Variants in CCDC171 observed in about 807,000 individuals in gnomAD.
The protein encoded by CCDC171 is coiled-coil domain-containing protein 171.
CCDC171 carries 177 observed loss-of-function variants against 168.2 expected under a neutral mutation model. That is an observed-to-expected ratio of 1.05 (90% confidence interval 0.93 to 1.19). The LOEUF is 1.19. Among genes scored for constraint, CCDC171 ranks in the 50% most tolerant of loss-of-function variants. The pLI is 0.00. For synonymous variants in CCDC171, 687 were observed against 540.8 expected, an observed-to-expected ratio of 1.27 and a Z score of -3.75; for missense variants, 1,991 against 1,539.0, an observed-to-expected ratio of 1.29 and a Z score of -4.91.
At chr9:15,573,360 C>T (rs1245511139) in intron 3 of CCDC171, among the ~76,000 whole-genome samples, 1 of 152,184 alleles carries the variant, frequency 6.6e-6, no homozygotes, top group Non-Finnish European at 1.5e-5. Flanking sequence ...ACTGCAACCA[C>T]TGCCTCCAGG....
chr9:15,599,968 A>G (rs1486166932), intron 6 of CCDC171, among the ~76,000 whole-genome samples: 1 of 152,226 alleles, frequency 6.6e-6, no homozygotes, highest in Admixed American at 6.5e-5. Context: ...CATTCGTCAC[A>G]TAGTTCTCTT....
chr9:15,623,163 A>G (rs1487059572), intron 6 of CCDC171, 104 bp from the exon 7 acceptor site: 5 of 702,242 alleles, frequency 7.1e-6, no homozygotes, highest in Non-Finnish European at 1.1e-5. Flanking sequence ...ACCTATTATT[A>G]TAGTTGAAGC....
At chr9:16,082,704 A>G in the CCDC171 span, among the ~76,000 whole-genome samples, 1 of 152,230 alleles carries the variant, frequency 6.6e-6, no homozygotes, top group Non-Finnish European at 1.5e-5. Context: ...ATAAACCAGT[A>G]ACAAACATCT....
intron 25 of CCDC171, among the ~76,000 whole-genome samples, chr9:15,957,368 T>G (rs1040906823): frequency 3.3e-5 from 5 of 152,148 alleles, no homozygotes; most frequent in Non-Finnish European, 7.4e-5. Context: ...CAGAGACCTG[T>G]CACAAAGTTC....
rs532157210 is a variant in CCDC171 at position 15,723,791 on chromosome 9, A to G, written c.1491+45A>G. On this transcript the variant is annotated intron_variant, in intron 13 of 25. Coordinates refer to ENST00000380701, the MANE Select transcript of CCDC171 (RefSeq NM_173550.4). Reference sequence around the variant, plus strand: ...TTACCTTTTGTATTAAGAAACAAATATAGTTATCTAGGGAATATTTTAAAG... The same window carrying G: ...TTACCTTTTGTATTAAGAAACAAATGTAGTTATCTAGGGAATATTTTAAAG... 2.0e-5 allele frequency: 18 copies of G among 920,674 alleles called. No individual in the cohort carries two copies. In the East Asian group the frequency reaches 4.4e-4, roughly 23 times the overall value. 57.0% of individuals were successfully genotyped at this position (920,674 alleles called of 1,614,324 possible). A position where few individuals can be genotyped will look rare whatever the true frequency, so the allele number is the denominator to read the frequency against.
intron 24 of CCDC171, among the ~76,000 whole-genome samples, chr9:15,912,679 A>G (rs1456785370): frequency 6.6e-6 from 1 of 152,212 alleles, no homozygotes; most frequent in African/African-American, 2.4e-5. Context: ...TGCGTTTGTC[A>G]TAAATAGCTC....
At chr9:15,590,825 C>CTT (rs1228680585) in intron 4 of CCDC171, among the ~76,000 whole-genome samples, 2 of 124,556 alleles carry the variant, frequency 1.6e-5, no homozygotes, top group African/African-American at 6.1e-5. Flanking sequence ...TTCTTTCTTT[C>CTT]TTTCTTTCTT....
rs558815075 is a variant in CCDC171 at position 15,678,585 on chromosome 9, G to T, written c.1077-173G>T. Reference sequence around the variant, plus strand: ...AAAGGGAAAGTAATATTGCTTTGAAGTTTTTCATTTAAGAATATTCAGTAC... The same window carrying T: ...AAAGGGAAAGTAATATTGCTTTGAATTTTTTCATTTAAGAATATTCAGTAC... On this transcript the variant is annotated intron_variant, in intron 9 of 25. Transcript: ENST00000380701. Among the ~76,000 whole-genome samples the T allele has an allele frequency of 6.6e-5, 10 of 152,266 alleles. No individual in the cohort carries two copies. The East Asian group carries it at 1.9e-3, about 29-fold the overall frequency.
At chr9:15,771,304 G>A (rs2056999979) in intron 18 of CCDC171, among the ~76,000 whole-genome samples, 1 of 152,074 alleles carries the variant, frequency 6.6e-6, no homozygotes, top group Admixed American at 6.5e-5. Context: ...GTTCTTTCAT[G>A]AACAGTGTTG....
chr9:15,637,379 T>G (rs1257176771), intron 7 of CCDC171, among the ~76,000 whole-genome samples: 2 of 151,998 alleles, frequency 1.3e-5, no homozygotes, highest in Non-Finnish European at 2.9e-5. Flanking sequence ...CTTAATTTCC[T>G]CAATATCTGT....
chr9:15,779,579 C>G (rs148072114), intron 20 of CCDC171, among the ~76,000 whole-genome samples: 4 of 152,138 alleles, frequency 2.6e-5, no homozygotes, highest in African/African-American at 7.2e-5. Flanking sequence ...GGGGTGTTCT[C>G]GAACTCCTGA....
chr9:15,623,312 T>G lies in CCDC171; in HGVS notation c.721T>G (p.Leu241Val). 1 of 1,600,986 alleles carries G rather than the reference T, an allele frequency of 6.2e-7. No homozygotes were observed. Among genetic ancestry groups the G allele is most frequent in the Non-Finnish European group, 8.5e-7 (1 of 1,172,520 alleles). ...AAATATGCATAAGAAAGTAGAAAAATTAGAAACAGAACATATGGACTGCTC... is the reference window on the plus strand; with the variant it reads ...AAATATGCATAAGAAAGTAGAAAAAGTAGAAACAGAACATATGGACTGCTC... ...VQNMHKKVEK[L>V]ETEHMDCSDL... is the part of the protein sequence containing the mutation. Residue 241 changes from leucine (L) to valine (V), a missense_variant, in exon 7 of 26, where the codon TTA becomes GTA. Transcript: ENST00000380701.
At chr9:16,000,075 C>T (rs543141064) in intron 3 of CCDC171, among the ~76,000 whole-genome samples, 2 of 152,140 alleles carry the variant, frequency 1.3e-5, no homozygotes, top group African/African-American at 2.4e-5. Flanking sequence ...TTTAAAGAAG[C>T]ATTTTTTAAC....
chr9:15,868,889 C>A (rs2061906502), intron 23 of CCDC171, among the ~76,000 whole-genome samples: 1 of 151,928 alleles, frequency 6.6e-6, no homozygotes, highest in Admixed American at 6.6e-5. Context: ...CCCAAACCTT[C>A]TGTGGATACC....
chr9:15,949,063 C>T (rs1828787887), intron 25 of CCDC171, among the ~76,000 whole-genome samples: 1 of 152,106 alleles, frequency 6.6e-6, no homozygotes, highest in South Asian at 2.1e-4. Context: ...TTCCCAGCAC[C>T]ATTTATTAAA....
rs201935169 is a variant in CCDC171 at position 15,971,775 on chromosome 9, C to T, written c.3920C>T (p.Ser1307Phe). 6.2e-7 allele frequency: 1 copy of T among 1,613,856 alleles called. No individual in the cohort carries two copies. The highest frequency in any genetic ancestry group is 8.5e-7 in the Non-Finnish European group (1 of 1,179,910). The change falls in exon 26 of 26, where the codon TCT becomes TTT. Residue 1307 changes from serine (S) to phenylalanine (F), a missense_variant. By Grantham distance (155) the Ser-to-Phe change is radical (BLOSUM62 -2). Coordinates refer to ENST00000380701, the MANE Select transcript of CCDC171 (RefSeq NM_173550.4). ...ACTGTGCCCCATGCTCTGACATCAT[C>T]TCACTCCTCTCCAGTGACTATGTCT... The part of the protein sequence containing the change: ...INTVPHALTS[S>F]HSSPVTMSAN...
intron 6 of CCDC171, among the ~76,000 whole-genome samples, chr9:15,608,754 C>G (rs905532935): frequency 1.5e-4 from 23 of 149,324 alleles, no homozygotes; most frequent in African/African-American, 5.4e-4. Flanking sequence ...GAGTTCGAGA[C>G]CAGCCTGGGC....
intron 11 of CCDC171, among the ~76,000 whole-genome samples, chr9:15,710,579 G>A (rs2052588248): frequency 2.0e-5 from 3 of 151,678 alleles, no homozygotes. Flanking sequence ...GGGATTACAG[G>A]TGTGAGCCAC....
At chr9:15,596,079 T>A (rs1307660501) in intron 6 of CCDC171, among the ~76,000 whole-genome samples, 5 of 152,204 alleles carry the variant, frequency 3.3e-5, no homozygotes, top group African/African-American at 1.2e-4. Flanking sequence ...AAAAATTTTC[T>A]CCCATTCTGT....
Sources: gnomAD v4.1 joint callset for allele counts (sites outside exome capture counted in the v4.1 genomes callset) on GRCh38, gnomAD v4.1.1 for gene constraint, MANE v1.5 for transcripts, NCBI Gene and HGNC (gene_info 2026-07-23, HGNC 2026-07-21) for gene names.